TNRC6B: variants seen among roughly 807,000 people sequenced by gnomAD.
TNRC6B encodes trinucleotide repeat-containing gene 6B protein.
In TNRC6B, 52 loss-of-function variants were observed where a neutral mutation model predicts 203.6. That is an observed-to-expected ratio of 0.26 (90% CI 0.20 to 0.32). The LOEUF (loss-of-function observed/expected upper bound fraction) is 0.32, where lower values mean the gene tolerates loss of function less well. Ranked by LOEUF, TNRC6B falls within the 10% of genes least tolerant of loss-of-function variation. The pLI is 1.00. For missense variants in TNRC6B, 1,923 were observed against 2,286.2 expected (o/e 0.84, Z 3.24); for synonymous variants, 838 against 845.7 (o/e 0.99, Z 0.16).
chr22:40,265,987 A>G lies in TNRC6B; in HGVS notation c.1757A>G (p.His586Arg). 6.2e-7 allele frequency: 1 copy of G among 1,613,968 alleles called. No homozygotes were observed. The highest frequency in any genetic ancestry group is 8.5e-7 in the Non-Finnish European group (1 of 1,179,904). ...CACAAAGCAGGAAGTAGTGACAGTC[A>G]TAACTCTGGCCGTCGGTCGTACAGG... is the stretch of plus-strand genomic sequence containing the variant. ...SNHKAGSSDS[H>R]NSGRRSYRPT... is the part of the protein sequence containing the mutation. The change falls in exon 5 of 23, where the codon CAT (histidine) becomes CGT (arginine). Residue 586 changes from histidine to arginine, a missense_variant. By Grantham distance (29) the His-to-Arg change is conservative. Coordinates refer to ENST00000454349, the MANE Select transcript of TNRC6B (RefSeq NM_001162501.2).
intron 1 of TNRC6B, among the ~76,000 whole-genome samples, chr22:40,194,449 C>T (rs1569015620): frequency 6.6e-6 from 1 of 152,168 alleles, no homozygotes; most frequent in Non-Finnish European, 1.5e-5. Context: ...AATACTTCTC[C>T]CAGGCCAGGT....
intron 9 of TNRC6B, 66 bp downstream of exon 9, chr22:40,278,110 G>A: frequency 7.7e-7 from 1 of 1,294,404 alleles, no homozygotes; most frequent in Non-Finnish European, 1.1e-6. Context: ...GGCATCTCCT[G>A]CCCAATTTGA....
At chr22:40,239,221 C>G (rs749136011) in intron 1 of TNRC6B, among the ~76,000 whole-genome samples, 4 of 152,070 alleles carry the variant, frequency 2.6e-5, no homozygotes, top group Non-Finnish European at 4.4e-5. Flanking sequence ...AAGAAAAGTG[C>G]CTGGCTCATA....
chr22:40,290,341 C>T (rs2070853181), intron 12 of TNRC6B, among the ~76,000 whole-genome samples: 1 of 152,206 alleles, frequency 6.6e-6, no homozygotes, highest in African/African-American at 2.4e-5. Flanking sequence ...TGTGCTAAAA[C>T]AAAAGGCAGG....
intron 1 of TNRC6B, among the ~76,000 whole-genome samples, chr22:40,190,924 G>A (rs1414746989): frequency 1.3e-5 from 2 of 152,182 alleles, no homozygotes; most frequent in African/African-American, 2.4e-5. Flanking sequence ...CTAATGTGTC[G>A]AGCACTGTAT....
chr22:40,149,679 CAAAAAAAAAA>C (rs58482182), intron 3 of TNRC6B, among the ~76,000 whole-genome samples: 1 of 84,842 alleles, frequency 1.2e-5, no homozygotes, highest in Admixed American at 1.5e-4. Flanking sequence ...CCTCCCCCGC[CAAAAAAAAAA>C]AAAAAAAAAA....
chr22:40,220,398 C>T (rs538376224), intron 1 of TNRC6B, among the ~76,000 whole-genome samples: 1 of 152,244 alleles, frequency 6.6e-6, no homozygotes, highest in South Asian at 2.1e-4. Flanking sequence ...GGTTTGAGCC[C>T]CCTCCACATC....
intron 15 of TNRC6B, among the ~76,000 whole-genome samples, chr22:40,302,843 A>G (rs558754109): frequency 3.3e-5 from 5 of 152,070 alleles, no homozygotes; most frequent in Non-Finnish European, 4.4e-5. Context: ...GCTTCCACCA[A>G]CTGTTTTCAT....
At position 40,145,784 on chromosome 22, in the gene TNRC6B, G is replaced by A. The variant is rs556894547; in HGVS notation, c.46-10331G>A. 1.6e-4 allele frequency among the ~76,000 whole-genome samples: 25 copies of A among 152,224 alleles called. No individual in the cohort carries two copies. The South Asian group carries it at 5.2e-3, about 32-fold the overall frequency. On this transcript the variant is annotated intron_variant, in intron 3 of 23. Coordinates refer to the TNRC6B transcript ENST00000301923. ...TTGAACCCAGGAGGCAGAGGTTGCA[G>A]TGAGCCAAGATCACATCACTATGCT... is the stretch of plus-strand genomic sequence containing the variant.
At chr22:40,082,221 G>A (rs1017354588) in intron 1 of TNRC6B, among the ~76,000 whole-genome samples, 2 of 152,124 alleles carry the variant, frequency 1.3e-5, no homozygotes, top group African/African-American at 2.4e-5. Context: ...AATGTTATAT[G>A]CTATGAAGAA....
chr22:40,290,267 T>C (rs545481978), intron 12 of TNRC6B, among the ~76,000 whole-genome samples: 2 of 152,188 alleles, frequency 1.3e-5, no homozygotes, highest in Non-Finnish European at 2.9e-5. Context: ...GTCTGGTTCA[T>C]AGTCACTGTG....
intron 15 of TNRC6B, among the ~76,000 whole-genome samples, chr22:40,303,021 C>CCTTCTTCTT: frequency 7.1e-6 from 1 of 140,402 alleles, no homozygotes; most frequent in South Asian, 2.3e-4. Context: ...TGCTGTATTT[C>CCTTCTTCTT]CTTCTTCTTC....
Position 40,202,448 on chromosome 22 carries a change from T to C in TNRC6B, c.5+24308T>C, listed in dbSNP as rs572562935. 5.3e-5 allele frequency among the ~76,000 whole-genome samples: 8 copies of C among 152,196 alleles called. No homozygotes were observed. In the South Asian group the frequency reaches 1.4e-3, roughly 28 times the overall value. ...TCAGTGGAGGAATGTAAATAAACCA[T>C]TGCTGCTGTAACTATATATAAACGC... On this transcript the variant is annotated intron_variant, in intron 1 of 22. Coordinates refer to ENST00000454349, the MANE Select transcript of TNRC6B (RefSeq NM_001162501.2).
chr22:40,105,971 G>C (rs189798045), intron 1 of TNRC6B, among the ~76,000 whole-genome samples: 20 of 152,162 alleles, frequency 1.3e-4, no homozygotes, highest in Admixed American at 2.6e-4. Flanking sequence ...TAGCCATTGT[G>C]GTATATAATG....
chr22:40,227,002 T>TGG (rs1339043579), intron 1 of TNRC6B, among the ~76,000 whole-genome samples: 1 of 151,894 alleles, frequency 6.6e-6, no homozygotes, highest in Admixed American at 6.6e-5. Context: ...CTCCACCTCC[T>TGG]GGGTTCAAGC....
intron 12 of TNRC6B, 65 bp from the exon 13 acceptor site, chr22:40,300,390 C>A: frequency 7.1e-7 from 1 of 1,411,274 alleles, no homozygotes; most frequent in Non-Finnish European, 9.4e-7. Context: ...CACAGAAAAA[C>A]AGTTTTATTT....
At chr22:40,105,409 T>C in intron 1 of TNRC6B, among the ~76,000 whole-genome samples, 1 of 152,200 alleles carries the variant, frequency 6.6e-6, no homozygotes, top group Non-Finnish European at 1.5e-5. Context: ...AACAGCCCCT[T>C]CTTAGTGACC....
At chr22:40,132,808 G>T (rs960627156) in intron 3 of TNRC6B, among the ~76,000 whole-genome samples, 3 of 147,996 alleles carry the variant, frequency 2.0e-5, no homozygotes, top group Non-Finnish European at 4.5e-5. Context: ...GCCGAGCATG[G>T]TGGCAGGCGC....
chr22:40,105,684 T>TACAA (rs1179812642), intron 1 of TNRC6B, among the ~76,000 whole-genome samples: 1 of 152,198 alleles, frequency 6.6e-6, no homozygotes, highest in Non-Finnish European at 1.5e-5. Context: ...CTTACCATTG[T>TACAA]GCTATTGAGG....
Sources: allele counts gnomAD v4.1 joint callset (sites outside exome capture counted in the v4.1 genomes callset), GRCh38; gene constraint gnomAD v4.1.1; transcripts MANE v1.5; gene names NCBI Gene and HGNC (gene_info 2026-07-23, HGNC 2026-07-21).